Variants in MRTFB observed in about 807,000 individuals in gnomAD.
MRTFB encodes the protein myocardin-related transcription factor B.
Under a neutral mutation model 104.2 loss-of-function variants are expected in MRTFB, and 29 were observed. The observed-to-expected ratio is 0.28, with a 90% confidence interval of 0.21 to 0.38. The LOEUF is 0.38. Among genes scored for constraint, MRTFB ranks in the 10% least tolerant of loss-of-function variants. MRTFB has a pLI of 1.00. For missense variants in MRTFB, 1,270 were observed against 1,341.6 expected (o/e 0.95, Z 0.83); for synonymous variants, 535 against 519.5 (o/e 1.03, Z -0.41).
chr16:14,028,242 A>C, the MRTFB span, among the ~76,000 whole-genome samples: 1 of 150,476 alleles, frequency 6.6e-6, no homozygotes, highest in Non-Finnish European at 1.5e-5. Context: ...GTAACTGTGA[A>C]ATAAAGGAAT....
chr16:14,088,341 A>C (rs2034849388), intron 2 of MRTFB, among the ~76,000 whole-genome samples: 2 of 152,198 alleles, frequency 1.3e-5, no homozygotes, highest in Non-Finnish European at 2.9e-5. Context: ...AGAAGGGCTC[A>C]ATGAGATTGT....
chr16:14,078,881 A>G (rs2034229478), intron 1 of MRTFB, among the ~76,000 whole-genome samples: 1 of 152,206 alleles, frequency 6.6e-6, no homozygotes, highest in African/African-American at 2.4e-5. Context: ...GGATTATTTC[A>G]TATAATCCTC....
intron 3 of MRTFB, among the ~76,000 whole-genome samples, chr16:14,171,076 T>TG (rs1445271437): frequency 2.0e-5 from 3 of 152,224 alleles, no homozygotes; most frequent in African/African-American, 7.2e-5. Flanking sequence ...TATGTCCTTT[T>TG]GACAAGCCCA....
chr16:14,026,120 A>G, the MRTFB span, among the ~76,000 whole-genome samples: 5 of 152,210 alleles, frequency 3.3e-5, no homozygotes, highest in African/African-American at 1.2e-4. Context: ...TGTAAACAAT[A>G]TGATTACAAA....
At chr16:14,247,577 AC>A in intron 12 of MRTFB, 70 bp downstream of exon 12, 1 of 1,379,782 alleles carries the variant, frequency 7.2e-7, no homozygotes, top group Non-Finnish European at 9.7e-7. Flanking sequence ...TAAGGAAGGC[AC>A]CATACCTGAG....
intron 3 of MRTFB, among the ~76,000 whole-genome samples, chr16:14,173,472 C>T (rs778738792): frequency 3.3e-5 from 5 of 152,156 alleles, no homozygotes; most frequent in Non-Finnish European, 7.4e-5. Flanking sequence ...GTTTTCTCCA[C>T]TATTATAATC....
chr16:14,168,852 C>T (rs2039332926), intron 3 of MRTFB, among the ~76,000 whole-genome samples: 1 of 152,166 alleles, frequency 6.6e-6, no homozygotes, highest in Admixed American at 6.5e-5. Context: ...CACATTCTCA[C>T]CAATATTTGG....
intron 2 of MRTFB, among the ~76,000 whole-genome samples, chr16:14,123,194 C>G (rs933656001): frequency 5.9e-5 from 9 of 152,220 alleles, no homozygotes; most frequent in Non-Finnish European, 8.8e-5. Context: ...GATATTAGCC[C>G]TTTGTCAGAT....
chr16:14,166,474 A>T (rs1485773111), intron 3 of MRTFB, among the ~76,000 whole-genome samples: 1 of 152,178 alleles, frequency 6.6e-6, no homozygotes, highest in Non-Finnish European at 1.5e-5. Flanking sequence ...TCCTTATGTG[A>T]AGTACAAAAG....
chr16:14,253,228 CTT>C (rs1567223113), intron 15 of MRTFB, among the ~76,000 whole-genome samples: 3 of 152,200 alleles, frequency 2.0e-5, no homozygotes, highest in African/African-American at 7.2e-5. Flanking sequence ...CTCCTCCAAT[CTT>C]TCTCTCTAAA....
chr16:14,023,712 T>G, the MRTFB span, among the ~76,000 whole-genome samples: 52 of 151,520 alleles, frequency 3.4e-4, no homozygotes, highest in African/African-American at 1.2e-3. Flanking sequence ...ATATGTGTGT[T>G]GCAAGGAGTG....
the MRTFB span, among the ~76,000 whole-genome samples, chr16:14,042,285 C>T: frequency 1.4e-4 from 22 of 152,178 alleles, no homozygotes; most frequent in African/African-American, 4.8e-4. Flanking sequence ...GCCACCACGC[C>T]GGGCTAAGTT....
intron 3 of MRTFB, chr16:14,143,310 A>G (rs1310601600): frequency 1.3e-5 from 2 of 151,996 alleles, no homozygotes; most frequent in Non-Finnish European, 2.9e-5. Context: ...CCACAGTGTT[A>G]TTATTGACCA....
chr16:14,064,583 T>C, the MRTFB span, among the ~76,000 whole-genome samples: 1 of 152,226 alleles, frequency 6.6e-6, no homozygotes, highest in Admixed American at 6.5e-5. Flanking sequence ...TTCAAAAGTT[T>C]TTATAGTGAG....
chr16:14,097,322 A>C (rs2035436486), intron 2 of MRTFB, among the ~76,000 whole-genome samples: 1 of 152,234 alleles, frequency 6.6e-6, no homozygotes, highest in Non-Finnish European at 1.5e-5. Flanking sequence ...TTAGCTAAAC[A>C]TTCAGGTTTC....
the MRTFB span, among the ~76,000 whole-genome samples, chr16:14,003,614 G>GGGCC: frequency 8.3e-5 from 11 of 131,962 alleles, no homozygotes; most frequent in East Asian, 9.0e-4. Context: ...AGCAGAGCTG[G>GGGCC]GGCCGGCCGG....
chr16:14,062,850 C>T, the MRTFB span, among the ~76,000 whole-genome samples: 1,989 of 152,246 alleles, frequency 0.013, 39 homozygotes, highest in African/African-American at 0.042. Flanking sequence ...TCACTTTAGC[C>T]GCTGCTGCCG....
the MRTFB span, chr16:14,009,852 T>C: frequency 1.3e-5 from 2 of 152,276 alleles, no homozygotes; most frequent in African/African-American, 4.8e-5. Flanking sequence ...ATCACCCCTC[T>C]TCTCTAATTA....
chr16:14,250,030 T>G (rs955623544), intron 13 of MRTFB, among the ~76,000 whole-genome samples: 5 of 152,212 alleles, frequency 3.3e-5, no homozygotes, highest in African/African-American at 1.2e-4. Context: ...ATTAAAAGCT[T>G]AGTAAATGTT....
Sources: gnomAD v4.1 joint callset for allele counts (sites outside exome capture counted in the v4.1 genomes callset) on GRCh38, gnomAD v4.1.1 for gene constraint, MANE v1.5 for transcripts, NCBI Gene and HGNC (gene_info 2026-07-23, HGNC 2026-07-21) for gene names.